The following ADCK5 variants were observed in gnomAD, a reference collection of about 807,000 sequenced individuals.
ADCK5 encodes uncharacterized aarF domain-containing protein kinase 5.
In ADCK5, 43 loss-of-function variants were observed where a neutral mutation model predicts 64.9. That is an observed-to-expected ratio of 0.66 (90% confidence interval 0.52 to 0.85). ADCK5 has a LOEUF of 0.85. Ranked by LOEUF, ADCK5 falls within the 40% of genes least tolerant of loss-of-function variation. The probability of loss-of-function intolerance (pLI) is 0.00; values close to 1 mark genes in which losing one functional copy is unlikely to be tolerated. For missense variants in ADCK5, 760 were observed against 810.5 expected (o/e 0.94, Z 0.76); for synonymous variants, 434 against 342.8 (o/e 1.27, Z -2.94).
chr8:144,386,461 G>T (rs543251704), intron 3 of ADCK5, among the ~76,000 whole-genome samples: 1 of 151,796 alleles, frequency 6.6e-6, no homozygotes, highest in South Asian at 2.1e-4. Context: ...GGGTTCAAGC[G>T]ATTCTCCTGT....
chr8:144,391,851 G>A lies in ADCK5; in HGVS notation c.999G>A (p.Gly333=). ...VNDVEAIRSQ[G]LAVHDIAEKL... ...ATGTGGAGGCCATCAGGAGCCAGGG[G>A]CTGGCAGTGCATGACGTGAGTGCGG... The change falls in exon 9 of 15, where the codon GGG becomes GGA. Residue 333 remains glycine (G), a synonymous_variant. Transcript: ENST00000308860. 1.3e-6 allele frequency: 2 copies of A among 1,575,730 alleles called. No individual in the cohort carries two copies. The highest frequency in any genetic ancestry group is 1.2e-5 in the South Asian group (1 of 86,858).
chr8:144,392,425 C>A lies in ADCK5; in HGVS notation c.1268-20C>A. 1 of 1,388,850 alleles carries A rather than the reference C, an allele frequency of 7.2e-7. No homozygotes were observed. 86.0% of individuals were successfully genotyped at this position (1,388,850 alleles called of 1,614,324 possible). A position where few individuals can be genotyped will look rare whatever the true frequency, so the allele number is the denominator to read the frequency against. Reference sequence around the variant, plus strand: ...AACCCACTCAGAGCCCCCTCCCTCCCTCCCTCCCTCCCTCCCCAGACTACC... The same window carrying A: ...AACCCACTCAGAGCCCCCTCCCTCCATCCCTCCCTCCCTCCCCAGACTACC... On this transcript the variant is annotated intron_variant, in intron 12 of 14. Coordinates refer to ENST00000308860, the MANE Select transcript of ADCK5 (RefSeq NM_174922.5).
rs968195081 is a variant in ADCK5 at position 144,384,596 on chromosome 8, T to C, written c.266+1366T>C. ...ACGACAGAGCCTCGGGTCCTCTGCC[T>C]TTTTCTCGTGACCCTCCGCTGCAGT... On this transcript the variant is annotated intron_variant, in intron 3 of 14. Coordinates refer to ENST00000308860, the MANE Select transcript of ADCK5 (RefSeq NM_174922.5). This position sits in a 1 kb window ranked among gnomAD's most constrained non-coding sequence, Gnocchi z 5.7. Among the ~76,000 whole-genome samples the C allele has an allele frequency of 2.0e-5, 3 of 152,086 alleles. No homozygotes were observed. The highest frequency in any genetic ancestry group is 2.0e-4 in the Admixed American group (3 of 15,270).
Position 144,391,688 on chromosome 8 carries a change from G to C in ADCK5, c.907G>C (p.Val303Leu), listed in dbSNP as rs1554860698. Reference protein sequence around the residue: ...AHFPYVVVPRVHWDKSSKRVL... With the variant: ...AHFPYVVVPRLHWDKSSKRVL... Reference sequence around the variant, plus strand: ...CTTCCCCTACGTCGTGGTGCCCCGCGTGCACTGGGACAAGTCCAGCAAGGT... The same window carrying C: ...CTTCCCCTACGTCGTGGTGCCCCGCCTGCACTGGGACAAGTCCAGCAAGGT... Residue 303 changes from valine to leucine, a missense_variant, in exon 8 of 15, where the codon GTG becomes CTG. Val to Leu is a conservative substitution (Grantham distance 32). Coordinates refer to ENST00000308860, the MANE Select transcript of ADCK5 (RefSeq NM_174922.5). 6.5e-7 allele frequency: 1 copy of C among 1,540,810 alleles called. No individual in the cohort carries two copies. Among genetic ancestry groups the C allele is most frequent in the Non-Finnish European group, 8.7e-7 (1 of 1,147,406 alleles).
rs200810621 is a variant in ADCK5 at position 144,392,534 on chromosome 8, G to A, written c.1357G>A (p.Ala453Thr). The change falls in exon 13 of 15, where the codon GCC becomes ACC. Residue 453 changes from alanine (A) to threonine (T), a missense_variant. Physicochemically the swap from Ala to Thr is moderately conservative, Grantham distance 58 (BLOSUM62 0). This residue lies in a region of ADCK5 where 333 missense variants were observed against 292.0 expected (regional missense o/e 1.14). Transcript: ENST00000308860. ...GCACCTACTGAGCCGCGAAGAGGCG[G>A]CCTACATGGTGGACATGGCCCGCGA... The part of the protein sequence containing the change: ...GSHLLSREEA[A>T]YMVDMARERF... 4.6e-4 allele frequency: 725 copies of A among 1,559,344 alleles called. 1 individual carries two copies. Among genetic ancestry groups the A allele is most frequent in the Middle Eastern group, 4.0e-3 (24 of 5,998 alleles).
At position 144,392,026 on chromosome 8, in the gene ADCK5, G is replaced by A; in HGVS notation, c.1096+4G>A. 2 of 1,612,712 alleles carry A rather than the reference G, an allele frequency of 1.2e-6. No homozygotes were observed. The highest frequency in any genetic ancestry group is 1.7e-6 in the Non-Finnish European group (2 of 1,179,974). ...TCGGACCCACATCCTGGCAACGGTA[G>A]GAATTTACCCCAGGGGTGGGGGTCT... On this transcript the variant is annotated splice_donor_region_variant and intron_variant, in intron 10 of 14. Coordinates refer to ENST00000308860, the MANE Select transcript of ADCK5 (RefSeq NM_174922.5).
chr8:144,374,702 C>T (rs1355052899), intron 1 of ADCK5, among the ~76,000 whole-genome samples: 1 of 152,200 alleles, frequency 6.6e-6, no homozygotes, highest in African/African-American at 2.4e-5. Context: ...CGCCTCCCCG[C>T]CGGGCCTGCC....
At chr8:144,374,715 G>A (rs986207789) in intron 1 of ADCK5, among the ~76,000 whole-genome samples, 1 of 152,142 alleles carries the variant, frequency 6.6e-6, no homozygotes, top group Non-Finnish European at 1.5e-5. Flanking sequence ...GGCCTGCCCT[G>A]CCCTGAGGCG....
In ADCK5 at chr8:144,393,052, T is replaced by A; in HGVS notation, c.1721T>A (p.Leu574His). 1.3e-6 allele frequency: 2 copies of A among 1,584,830 alleles called. No individual in the cohort carries two copies. Among genetic ancestry groups the A allele is most frequent in the Non-Finnish European group, 1.7e-6 (2 of 1,169,842 alleles). The change falls in exon 15 of 15, where the codon CTC becomes CAC. Residue 574 changes from leucine (L) to histidine (H), a missense_variant. By Grantham distance (99) the Leu-to-His change is moderately conservative. Transcript: ENST00000308860. ...AGCCTCGTGCCCCCAGCGGAGGAGC[T>A]CTACCAGTACCTGGAGACCTAGGGT... ...HLSLVPPAEE[L>H]YQYLET
chr8:144,374,174 A>T (rs1819269558), intron 1 of ADCK5, 67 bp downstream of exon 1: 1 of 1,235,278 alleles, frequency 8.1e-7, no homozygotes. Context: ...CGAGACCCGC[A>T]AGTCCCCAGA....
intron 1 of ADCK5, among the ~76,000 whole-genome samples, chr8:144,378,330 C>T (rs1819456418): frequency 6.6e-6 from 1 of 152,128 alleles, no homozygotes; most frequent in African/African-American, 2.4e-5. Flanking sequence ...GAGGAGGGGC[C>T]TGGTGGGAGG....
Position 144,389,921 on chromosome 8 carries a change from C to T in ADCK5, c.267-750C>T, listed in dbSNP as rs142093616. ...TTGGCTCACTGCAACCTCTGCCTCT[C>T]GGGTTCAAGCAATTCTCCTGCCTCA... On this transcript the variant is annotated intron_variant, in intron 3 of 14. Transcript: ENST00000308860. Among the ~76,000 whole-genome samples the T allele has an allele frequency of 5.6e-3, 848 of 150,338 alleles. 12 individuals carry two copies. The highest frequency in any genetic ancestry group is 0.02 in the African/African-American group (812 of 40,748).
In ADCK5 at chr8:144,392,872, C is replaced by G. The variant is rs372161005; in HGVS notation, c.1617C>G (p.Leu539=). 3 of 1,601,792 alleles carry G rather than the reference C, an allele frequency of 1.9e-6. No individual in the cohort carries two copies. The highest frequency in any genetic ancestry group is 1.7e-4 in the Middle Eastern group (1 of 6,056). Residue 539 remains leucine, a synonymous_variant, in exon 14 of 15, where the codon CTC becomes CTG. Transcript: ENST00000308860. ...LRHAKVVWEM[L]KFEVALRLET... ...ACGCCAAGGTCGTCTGGGAGATGCT[C>G]AAGTTTGAAGTGGCGCTCAGGTGAG...
chr8:144,379,758 C>T (rs1264122429), intron 2 of ADCK5, among the ~76,000 whole-genome samples: 2 of 152,228 alleles, frequency 1.3e-5, no homozygotes, highest in Non-Finnish European at 2.9e-5. Context: ...GGAGCGCCTG[C>T]TCTGAAGAGC....
chr8:144,381,080 T>C (rs2116846533), intron 2 of ADCK5, among the ~76,000 whole-genome samples: 61 of 127,672 alleles, frequency 4.8e-4, no homozygotes, highest in East Asian at 7.7e-4. Flanking sequence ...AGGCACCTGC[T>C]GCACTAAGGA....
chr8:144,389,409 C>T lies in ADCK5; in HGVS notation c.267-1262C>T, dbSNP rs781856723. The T allele has an allele frequency of 3.1e-4, 140 of 455,238 alleles. 1 individual carries two copies. The highest frequency in any genetic ancestry group is 4.9e-4 in the Non-Finnish European group (112 of 226,490). The allele number at this position is 455,238 out of a possible 1,614,324, so 28.2% of individuals were successfully genotyped here. On this transcript the variant is annotated intron_variant, in intron 3 of 14. Coordinates refer to ENST00000308860, the MANE Select transcript of ADCK5 (RefSeq NM_174922.5). The stretch of plus-strand genomic sequence containing the variant: ...TGCTGCCATCCTTTACCTTCACAGA[C>T]AGCCTTGGAACCCCATCTCTCCAGA...
At chr8:144,375,352 C>A in intron 1 of ADCK5, 1 of 698,816 alleles carries the variant, frequency 1.4e-6, no homozygotes, top group Non-Finnish European at 1.8e-6. Flanking sequence ...CCCAGACTCC[C>A]AATCTGTCTC....
At chr8:144,379,181 C>A (rs1819495351) in intron 1 of ADCK5, among the ~76,000 whole-genome samples, 1 of 152,108 alleles carries the variant, frequency 6.6e-6, no homozygotes, top group Non-Finnish European at 1.5e-5. Context: ...GATCCACCCG[C>A]CTCGGCCTCC....
rs562416781 is a variant in ADCK5 at position 144,378,060 on chromosome 8, C to T, written c.13-1327C>T. Among the ~76,000 whole-genome samples, 11 of 152,302 alleles carry T rather than the reference C, an allele frequency of 7.2e-5. No homozygotes were observed. The East Asian group carries it at 1.2e-3, about 16-fold the overall frequency. On this transcript the variant is annotated intron_variant, in intron 1 of 14. Coordinates refer to ENST00000308860, the MANE Select transcript of ADCK5 (RefSeq NM_174922.5). ...CAGAGACTGAGGGGACATTCAGAGA[C>T]GGGGTATGTTTGATGCCCTGTCAGC...
Sources: allele counts gnomAD v4.1 joint callset (sites outside exome capture counted in the v4.1 genomes callset), GRCh38; gene constraint gnomAD v4.1.1; regional missense constraint gnomAD v4.1.1; non-coding constraint Gnocchi (gnomAD v3.1); transcripts MANE v1.5; gene names NCBI Gene and HGNC (gene_info 2026-07-23, HGNC 2026-07-21).